The following PACRG variants were observed in gnomAD, a reference collection of about 807,000 sequenced individuals.
The protein encoded by PACRG is parkin coregulated, also known as parkin coregulated gene protein.
Under a neutral mutation model 29.7 loss-of-function variants are expected in PACRG, and 29 were observed. The observed-to-expected ratio is 0.98, with a 90% CI of 0.73 to 1.33. PACRG has a LOEUF of 1.33. PACRG is among the 40% of genes most tolerant of loss of function. PACRG has a pLI of 0.00. For missense variants in PACRG, 279 were observed against 316.2 expected (o/e 0.88, Z 0.89); for synonymous variants, 116 against 118.7 (o/e 0.98, Z 0.15).
At chr6:163,201,379 A>G (rs1011250874) in intron 4 of PACRG, among the ~76,000 whole-genome samples, 1 of 152,216 alleles carries the variant, frequency 6.6e-6, no homozygotes, top group African/African-American at 2.4e-5. Context: ...GTATACATTT[A>G]TGTCCCAATT....
At chr6:162,759,505 G>C (rs1350782996) in intron 1 of PACRG, among the ~76,000 whole-genome samples, 1 of 152,104 alleles carries the variant, frequency 6.6e-6, no homozygotes, top group Non-Finnish European at 1.5e-5. Flanking sequence ...AAAGAATAGT[G>C]GGTATCATTT....
intron 2 of PACRG, among the ~76,000 whole-genome samples, chr6:162,941,786 A>G (rs1798648805): frequency 6.6e-6 from 1 of 152,234 alleles, no homozygotes; most frequent in Non-Finnish European, 1.5e-5. Context: ...TTTAAAATGT[A>G]GTGGCTGAAA....
chr6:163,211,754 C>T (rs1046899137), intron 4 of PACRG, among the ~76,000 whole-genome samples: 6 of 152,168 alleles, frequency 3.9e-5, no homozygotes, highest in Admixed American at 3.9e-4. Context: ...TGGTTTTGCA[C>T]TCCTACCAAG....
intron 4 of PACRG, among the ~76,000 whole-genome samples, chr6:163,248,079 A>G (rs1782759292): frequency 6.6e-6 from 1 of 152,184 alleles, no homozygotes; most frequent in African/African-American, 2.4e-5. Context: ...TGCTACCTCC[A>G]TGCCCCACTG....
intron 4 of PACRG, among the ~76,000 whole-genome samples, chr6:163,200,495 CGT>C (rs1554385907): frequency 2.0e-5 from 3 of 152,084 alleles, no homozygotes; most frequent in Non-Finnish European, 2.9e-5. Flanking sequence ...AACGTGGGCA[CGT>C]GTCGCATACT....
At chr6:163,271,131 T>C (rs1006872255) in intron 4 of PACRG, among the ~76,000 whole-genome samples, 2 of 152,072 alleles carry the variant, frequency 1.3e-5, no homozygotes, top group Non-Finnish European at 2.9e-5. Context: ...GAGTCTGATG[T>C]TCTAGGGCAG....
At chr6:162,996,455 AC>A (rs544066074) in intron 2 of PACRG, among the ~76,000 whole-genome samples, 18 of 151,854 alleles carry the variant, frequency 1.2e-4, no homozygotes, top group Non-Finnish European at 1.9e-4. Flanking sequence ...TCCAAAATAG[AC>A]CCCCCCAAAA....
chr6:163,040,369 G>A (rs894032443), intron 2 of PACRG, among the ~76,000 whole-genome samples: 4 of 152,262 alleles, frequency 2.6e-5, no homozygotes, highest in Non-Finnish European at 5.9e-5. Flanking sequence ...GAGAATTTCT[G>A]CTAAGGCAGT....
intron 2 of PACRG, among the ~76,000 whole-genome samples, chr6:162,921,466 C>T (rs1200228954): frequency 6.6e-6 from 1 of 152,160 alleles, no homozygotes; most frequent in Non-Finnish European, 1.5e-5. Context: ...TCTCTGACCT[C>T]TGGGGGTGTT....
intron 2 of PACRG, among the ~76,000 whole-genome samples, chr6:162,986,613 A>C (rs2128178955): frequency 6.6e-6 from 1 of 152,308 alleles, no homozygotes; most frequent in East Asian, 1.9e-4. Flanking sequence ...AAATTCTAGA[A>C]GATAATATTG....
chr6:163,183,489 C>T (rs1779768748), intron 4 of PACRG: 1 of 152,114 alleles, frequency 6.6e-6, no homozygotes, highest in African/African-American at 2.4e-5. Context: ...TAGGAACTCA[C>T]CCTGTGCCTC....
chr6:163,032,605 A>T (rs907830343), intron 2 of PACRG, among the ~76,000 whole-genome samples: 6 of 152,242 alleles, frequency 3.9e-5, no homozygotes, highest in African/African-American at 1.4e-4. Context: ...TATCAGAATT[A>T]TAAGAGTTTT....
At chr6:163,116,018 T>C (rs141671190) in intron 4 of PACRG, among the ~76,000 whole-genome samples, 1 of 152,360 alleles carries the variant, frequency 6.6e-6, no homozygotes, top group Non-Finnish European at 1.5e-5. Flanking sequence ...AGCTGAGATA[T>C]AGTTACACTT....
chr6:162,872,469 A>G (rs1380730637), intron 2 of PACRG, among the ~76,000 whole-genome samples: 1 of 152,248 alleles, frequency 6.6e-6, no homozygotes, highest in Non-Finnish European at 1.5e-5. Flanking sequence ...ATTTAAATGT[A>G]TCATTACCCC....
intron 4 of PACRG, among the ~76,000 whole-genome samples, chr6:163,197,259 A>C (rs1780498214): frequency 6.6e-6 from 1 of 151,952 alleles, no homozygotes; most frequent in South Asian, 2.1e-4. Flanking sequence ...ATCTCTGTGG[A>C]TATTGTTGGT....
At chr6:162,727,372 C>A (rs962243986), upstream of PACRG, 24 of 429,090 alleles carry the variant, frequency 5.6e-5, no homozygotes, top group African/African-American at 4.5e-4. Flanking sequence ...CGGGGGACCG[C>A]GAACGAGGAG....
chr6:163,149,270 C>T (rs1585268011), intron 4 of PACRG, among the ~76,000 whole-genome samples: 1 of 152,116 alleles, frequency 6.6e-6, no homozygotes, highest in South Asian at 2.1e-4. Flanking sequence ...TGGCCGCTTC[C>T]CAGGCCCCGG....
In PACRG at chr6:162,728,030, T is replaced by C; in HGVS notation, c.-206T>C. On this transcript the variant is annotated 5_prime_UTR_variant, in exon 1 of 5. Coordinates refer to ENST00000366888, the MANE Select transcript of PACRG (RefSeq NM_001080379.2). The stretch of plus-strand genomic sequence containing the variant: ...CTTGTTGCAGCTCTAGCCAAGGTCC[T>C]GCCCTCTTCCCGCCCCGCCCCTAGG... 2.9e-6 allele frequency: 2 copies of C among 682,968 alleles called. No homozygotes were observed. The highest frequency in any genetic ancestry group is 2.5e-6 in the Non-Finnish European group (1 of 394,776). The allele number at this position is 682,968 out of a possible 1,614,324, so 42.3% of individuals were successfully genotyped here.
chr6:162,918,625 A>G (rs1468025294), intron 2 of PACRG, among the ~76,000 whole-genome samples: 1 of 152,130 alleles, frequency 6.6e-6, no homozygotes, highest in South Asian at 2.1e-4. Context: ...AGAGATTTTT[A>G]AAGGATAGAA....
Sources: allele counts gnomAD v4.1 joint callset (sites outside exome capture counted in the v4.1 genomes callset), GRCh38; gene constraint gnomAD v4.1.1; transcripts MANE v1.5; gene names NCBI Gene and HGNC (gene_info 2026-07-23, HGNC 2026-07-21).